The following LRTM2 variants were observed in gnomAD, a reference collection of about 807,000 sequenced individuals.
LRTM2 encodes the protein leucine-rich repeat and transmembrane domain-containing protein 2.
In LRTM2, 18 loss-of-function variants were observed where a neutral mutation model predicts 28.1. That is an observed-to-expected ratio of 0.64 (90% confidence interval 0.44 to 0.95). LRTM2 has a LOEUF of 0.95. Ranked by LOEUF, LRTM2 falls within the 40% of genes least tolerant of loss-of-function variation. The pLI is 0.00. For synonymous variants in LRTM2, 250 were observed against 218.7 expected (o/e 1.14, Z -1.26); for missense variants, 436 against 497.2 (o/e 0.88, Z 1.17).
intron 1 of LRTM2, among the ~76,000 whole-genome samples, chr12:1,826,472 C>T (rs1864331541): frequency 8.2e-6 from 1 of 121,844 alleles, no homozygotes; most frequent in Non-Finnish European, 1.6e-5. Context: ...GGTTAGAGAA[C>T]CATGACAGCA....
chr12:1,824,383 A>G (rs1864233193), intron 1 of LRTM2, among the ~76,000 whole-genome samples: 1 of 152,156 alleles, frequency 6.6e-6, no homozygotes, highest in South Asian at 2.1e-4. Flanking sequence ...TTGAGTTGCA[A>G]TGGTCTACAC....
rs1341281175 is a variant in LRTM2, at chr12:1,834,392, C to G, written c.784C>G (p.Leu262Val). 1.2e-6 allele frequency: 2 copies of G among 1,613,002 alleles called. No homozygotes were observed. The highest frequency in any genetic ancestry group is 1.7e-6 in the Non-Finnish European group (2 of 1,180,018). The change falls in exon 5 of 5, where the codon CTG becomes GTG. Residue 262 changes from leucine to valine, a missense_variant. Transcript: ENST00000299194. The surrounding 1 kb of genome is among the most constrained non-coding windows in gnomAD (Gnocchi z 7.6). ...QLEDENSSAGLDIPGPPCTKA... is the reference protein window; with the variant it reads ...QLEDENSSAGVDIPGPPCTKA... The stretch of plus-strand genomic sequence containing the variant: ...GGAGGACGAGAATAGCTCAGCTGGG[C>G]TGGATATTCCTGGGCCACCCTGCAC...
Position 1,829,013 on chromosome 12 carries a change from G to A in LRTM2, c.67+798G>A, listed in dbSNP as rs138256776. ...CCCGCTCTGATCCAGCACCCAACAC[G>A]GGCAGCCTGAATTATTCACCATGTG... On this transcript the variant is annotated intron_variant, in intron 3 of 4. Coordinates refer to ENST00000299194, the MANE Select transcript of LRTM2 (RefSeq NM_001039029.3). This position sits in a 1 kb window ranked among gnomAD's most constrained non-coding sequence, Gnocchi z 4.2. Among the ~76,000 whole-genome samples, 304 of 152,302 alleles carry A rather than the reference G, an allele frequency of 2.0e-3. 1 individual carries two copies. Among genetic ancestry groups the A allele is most frequent in the Non-Finnish European group, 3.4e-3 (234 of 68,018 alleles).
At position 1,829,995 on chromosome 12, in the gene LRTM2, G is replaced by A. The variant is rs970832142; in HGVS notation, c.68-940G>A. Among the ~76,000 whole-genome samples, 22 of 152,160 alleles carry A rather than the reference G, an allele frequency of 1.4e-4. No homozygotes were observed. The highest frequency in any genetic ancestry group is 5.3e-4 in the African/African-American group (22 of 41,436). On this transcript the variant is annotated intron_variant, in intron 3 of 4. Transcript: ENST00000299194. This position sits in a 1 kb window ranked among gnomAD's most constrained non-coding sequence, Gnocchi z 4.2. ...TGCTCTGATGTGATTGTTCCCTGAGGGTTACTTCTCCCAGCCCTACAGACA... is the reference window on the plus strand; with the variant it reads ...TGCTCTGATGTGATTGTTCCCTGAGAGTTACTTCTCCCAGCCCTACAGACA...
At chr12:1,825,176 G>A (rs1033276743) in intron 1 of LRTM2, among the ~76,000 whole-genome samples, 6 of 152,190 alleles carry the variant, frequency 3.9e-5, no homozygotes, top group Non-Finnish European at 7.3e-5. Context: ...ACAAGAGGCC[G>A]CCTTCACCAG....
At chr12:1,821,783 C>T (rs897065513) in intron 1 of LRTM2, among the ~76,000 whole-genome samples, 2 of 152,176 alleles carry the variant, frequency 1.3e-5, no homozygotes, top group Non-Finnish European at 2.9e-5. Flanking sequence ...CACATTCCTG[C>T]ACCTCCCTGC....
At position 1,830,467 on chromosome 12, in the gene LRTM2, G is replaced by A. The variant is rs150960926; in HGVS notation, c.68-468G>A. On this transcript the variant is annotated intron_variant, in intron 3 of 4. Coordinates refer to ENST00000299194, the MANE Select transcript of LRTM2 (RefSeq NM_001039029.3). ...CCAGCAGCCTGGCCATTTTCCCTGG[G>A]AAACAAACTCTGTCCCAGCAGTGAC... 4.5e-3 allele frequency among the ~76,000 whole-genome samples: 685 copies of A among 152,308 alleles called. 3 individuals carry two copies. Among genetic ancestry groups the A allele is most frequent in the Middle Eastern group, 0.014 (4 of 294 alleles).
At chr12:1,831,589 T>G (rs1253050179) in intron 4 of LRTM2, 64 bp downstream of exon 4, 4 of 1,368,266 alleles carry the variant, frequency 2.9e-6, no homozygotes, top group Non-Finnish European at 4.1e-6. Flanking sequence ...CCCCACACTT[T>G]CCTCCTGGTG....
At chr12:1,826,237 T>C (rs192745745) in intron 1 of LRTM2, among the ~76,000 whole-genome samples, 181 of 152,228 alleles carry the variant, frequency 1.2e-3, no homozygotes, top group Non-Finnish European at 2.0e-3. Flanking sequence ...ATTTCCATGG[T>C]GATGGGCACT....
At chr12:1,832,006 A>T (rs912516280) in intron 4 of LRTM2, among the ~76,000 whole-genome samples, 3 of 152,210 alleles carry the variant, frequency 2.0e-5, no homozygotes, top group Non-Finnish European at 4.4e-5. Context: ...ATCCTCAGTA[A>T]AACCAAATCT....
At position 1,826,314 on chromosome 12, in the gene LRTM2, G is replaced by A. The variant is rs144884682; in HGVS notation, c.-258-1096G>A. On this transcript the variant is annotated intron_variant, in intron 1 of 4. Transcript: ENST00000299194. ...AGAAACTCCACCAAGCAGGTATTGC[G>A]GTCACCATTTCTAGACAGAAAGAAG... is the stretch of plus-strand genomic sequence containing the variant. 6.3e-3 allele frequency among the ~76,000 whole-genome samples: 964 copies of A among 152,018 alleles called. 13 individuals are homozygous for A. The highest frequency in any genetic ancestry group is 0.022 in the African/African-American group (899 of 41,374).
chr12:1,828,262 T>C lies in LRTM2; in HGVS notation c.67+47T>C, dbSNP rs1331758814. 1 of 1,486,736 alleles carries C rather than the reference T, an allele frequency of 6.7e-7. No homozygotes were observed. The highest frequency in any genetic ancestry group is 2.6e-5 in the East Asian group (1 of 39,054). 92.1% of individuals were successfully genotyped at this position (1,486,736 alleles called of 1,614,324 possible). On this transcript the variant is annotated intron_variant, in intron 3 of 4. Transcript: ENST00000299194. The surrounding 1 kb of genome is among the most constrained non-coding windows in gnomAD (Gnocchi z 4.2). ...GAGGGGGGTGCGGGTTGGGTGGGGG[T>C]GCCGAGGTGACTGTAGGTAGCGCCA...
At position 1,828,242 on chromosome 12, in the gene LRTM2, G is replaced by GA. The variant is rs1191648353; in HGVS notation, c.67+27_67+28insA. On this transcript the variant is annotated intron_variant, in intron 3 of 4. Transcript: ENST00000299194. This position sits in a 1 kb window ranked among gnomAD's most constrained non-coding sequence, Gnocchi z 4.2. Reference sequence around the variant, plus strand: ...TGAGTACACCCCTGGCCTCGGAGGGGGGTGCGGGTTGGGTGGGGGTGCCGA... The same window carrying GA: ...TGAGTACACCCCTGGCCTCGGAGGGGAGGTGCGGGTTGGGTGGGGGTGCCGA... 1.4e-5 allele frequency: 21 copies of GA among 1,530,988 alleles called. No individual in the cohort carries two copies. The highest frequency in any genetic ancestry group is 2.5e-5 in the East Asian group (1 of 39,800). The allele number at this position is 1,530,988 out of a possible 1,614,324, so 94.8% of individuals were successfully genotyped here. A position where few individuals can be genotyped will look rare whatever the true frequency, so the allele number is the denominator to read the frequency against.
At position 1,834,411 on chromosome 12, in the gene LRTM2, C is replaced by T; in HGVS notation, c.803C>T (p.Pro268Leu). The stretch of plus-strand genomic sequence containing the variant: ...GCTGGGCTGGATATTCCTGGGCCAC[C>T]CTGCACCAAGGCCAGTCCAGAGCCT... The part of the protein sequence containing the change: ...SSAGLDIPGP[P>L]CTKASPEPAK... Residue 268 changes from proline (P) to leucine (L), a missense_variant, in exon 5 of 5, where the codon CCC (proline) becomes CTC (leucine). Coordinates refer to ENST00000299194, the MANE Select transcript of LRTM2 (RefSeq NM_001039029.3). The surrounding 1 kb of genome is among the most constrained non-coding windows in gnomAD (Gnocchi z 7.6). The T allele has an allele frequency of 6.2e-7, 1 of 1,613,038 alleles. No individual in the cohort carries two copies.
At position 1,827,549 on chromosome 12, in the gene LRTM2, CG is replaced by C. The variant is rs1228402481; in HGVS notation, c.-117del. On this transcript the variant is annotated 5_prime_UTR_variant, in exon 2 of 5. The change abolishes the stop of an existing upstream ORF in the 5' untranslated region. Transcript: ENST00000299194. ...GCCATCCAGCGGCTCACACCCTACG[CG>C]GCTGCAGCTGCCAAGGGCCTGGCCC... 4 of 153,054 alleles carry C rather than the reference CG, an allele frequency of 2.6e-5. No homozygotes were observed. The highest frequency in any genetic ancestry group is 9.6e-5 in the African/African-American group (4 of 41,578). The allele number at this position is 153,054 out of a possible 1,614,324, so 9.5% of individuals were successfully genotyped here.
Position 1,831,308 on chromosome 12 carries a change from G to A in LRTM2, c.441G>A (p.Leu147=). ...RHSPLLRHLD[L]SINGLAQLPP... Reference sequence around the variant, plus strand: ...CGCCGCTGCTCCGCCACCTGGACCTGTCCATCAACGGCCTGGCCCAGTTGC... The same window carrying A: ...CGCCGCTGCTCCGCCACCTGGACCTATCCATCAACGGCCTGGCCCAGTTGC... Residue 147 remains leucine (L), a synonymous_variant, in exon 4 of 5, where the codon CTG becomes CTA. Transcript: ENST00000299194. 1 of 1,613,772 alleles carries A rather than the reference G, an allele frequency of 6.2e-7. No homozygotes were observed. The highest frequency in any genetic ancestry group is 8.5e-7 in the Non-Finnish European group (1 of 1,180,036).
chr12:1,822,605 A>C (rs1864150809), intron 1 of LRTM2, among the ~76,000 whole-genome samples: 1 of 152,174 alleles, frequency 6.6e-6, no homozygotes, highest in South Asian at 2.1e-4. Context: ...TGAGATTGAG[A>C]ATATTTGACA....
intron 1 of LRTM2, among the ~76,000 whole-genome samples, chr12:1,822,868 C>A (rs1193205921): frequency 6.6e-6 from 1 of 152,190 alleles, no homozygotes; most frequent in Non-Finnish European, 1.5e-5. Context: ...CACATGGAAT[C>A]TCGGGCCGTC....
In LRTM2 at chr12:1,834,280, CCAG is replaced by C; in HGVS notation, c.674_676del (p.Gln225del). 1 of 1,576,698 alleles carries C rather than the reference CCAG, an allele frequency of 6.3e-7. No individual in the cohort carries two copies. Among genetic ancestry groups the C allele is most frequent in the Non-Finnish European group, 8.6e-7 (1 of 1,158,522 alleles). On this transcript the variant is annotated inframe_deletion, in exon 5 of 5. Transcript: ENST00000299194. This position sits in a 1 kb window ranked among gnomAD's most constrained non-coding sequence, Gnocchi z 7.6. ...TTCTGCATGTAGGGGGACGCTTGGACCAGCTTGCCTGCACCCTGCCCAAGGAGC... is the reference window on the plus strand; with the variant it reads ...TTCTGCATGTAGGGGGACGCTTGGACCTTGCCTGCACCCTGCCCAAGGAGC...
Sources: allele counts gnomAD v4.1 joint callset (sites outside exome capture counted in the v4.1 genomes callset), GRCh38; gene constraint gnomAD v4.1.1; non-coding constraint Gnocchi (gnomAD v3.1); transcripts MANE v1.5; gene names NCBI Gene and HGNC (gene_info 2026-07-23, HGNC 2026-07-21).